YLPM1: variants seen among roughly 807,000 people sequenced by gnomAD.
YLPM1 encodes the protein YLP motif containing 1, also known as YLP motif-containing protein 1.
YLPM1 carries 99 observed loss-of-function variants against 230.0 expected under a neutral mutation model. The ratio of observed to expected loss-of-function variants is 0.43; its 90% CI spans 0.37 to 0.51. The LOEUF (loss-of-function observed/expected upper bound fraction) is 0.51. Among genes scored for constraint, YLPM1 ranks in the 20% least tolerant of loss-of-function variants. The probability of loss-of-function intolerance (pLI) is 0.00; values close to 1 mark genes in which losing one functional copy is unlikely to be tolerated. For synonymous variants in YLPM1, 984 were observed against 942.5 expected (o/e 1.04, Z -0.81); for missense variants, 2,592 against 2,707.7 (o/e 0.96, Z 0.95).
At chr14:74,764,472 A>G in intron 1 of YLPM1, 110 bp downstream of exon 1, 1 of 1,343,736 alleles carries the variant, frequency 7.4e-7, no homozygotes, top group South Asian at 1.6e-5. Context: ...ATGACTAGCT[A>G]ACACTCCAAA....
At chr14:74,812,071 T>G (rs969028321) in intron 10 of YLPM1, among the ~76,000 whole-genome samples, 2 of 152,250 alleles carry the variant, frequency 1.3e-5, no homozygotes, top group African/African-American at 4.8e-5. Flanking sequence ...GTGATTGTTC[T>G]GATTGATATT....
chr14:74,798,747 T>A lies in YLPM1; in HGVS notation c.3450T>A (p.Pro1150=), dbSNP rs1175454572. ...GGGAGAGAGGACCACCTCGAGGGCC[T>A]GGCAGTCGAGAAAGGGGACTGGGAA... ...GSRERGPPRG[P]GSRERGLGRS... is the part of the protein sequence containing the mutation. The change falls in exon 5 of 21, where the codon CCT becomes CCA. Residue 1150 remains proline, a synonymous_variant. Coordinates refer to ENST00000325680, the MANE Select transcript of YLPM1 (RefSeq NM_019589.3). 6.2e-7 allele frequency: 1 copy of A among 1,613,212 alleles called. No individual in the cohort carries two copies. Among genetic ancestry groups the A allele is most frequent in the East Asian group, 2.2e-5 (1 of 44,864 alleles).
chr14:74,769,573 C>T (rs920341415), intron 1 of YLPM1, among the ~76,000 whole-genome samples: 1 of 150,098 alleles, frequency 6.7e-6, no homozygotes, highest in Non-Finnish European at 1.5e-5. Flanking sequence ...AGGTGTGAGT[C>T]AGAGTGCCCG....
rs144885085 is a variant in YLPM1 at position 74,836,682 on chromosome 14, G to C, written c.*944G>C. The stretch of plus-strand genomic sequence containing the variant: ...TGTGGATTTTTAAATGAAGATTGCA[G>C]GGAAAGAGTATAAAGATGCAGAGCA... On this transcript the variant is annotated 3_prime_UTR_variant, in exon 21 of 21. Coordinates refer to ENST00000325680, the MANE Select transcript of YLPM1 (RefSeq NM_019589.3). The C allele has an allele frequency of 6.6e-6, 1 of 152,588 alleles. No individual in the cohort carries two copies. Among genetic ancestry groups the C allele is most frequent in the African/African-American group, 2.4e-5 (1 of 41,440 alleles). The allele number at this position is 152,588 out of a possible 1,614,324, so 9.5% of individuals were successfully genotyped here. A position where few individuals can be genotyped will look rare whatever the true frequency, so the allele number is the denominator to read the frequency against.
At chr14:74,776,986 G>A (rs1390972243) in intron 1 of YLPM1, among the ~76,000 whole-genome samples, 6 of 152,046 alleles carry the variant, frequency 3.9e-5, no homozygotes, top group Admixed American at 3.9e-4. Context: ...AGCACAGGAG[G>A]CGGAGGTGGC....
At position 74,836,579 on chromosome 14, in the gene YLPM1, A is replaced by C. The variant is rs533515220; in HGVS notation, c.*841A>C. The C allele has an allele frequency of 1.3e-5, 2 of 151,448 alleles. No individual in the cohort carries two copies. Among genetic ancestry groups the C allele is most frequent in the Non-Finnish European group, 3.0e-5 (2 of 67,778 alleles). 9.4% of individuals were successfully genotyped at this position (151,448 alleles called of 1,614,324 possible). On this transcript the variant is annotated 3_prime_UTR_variant, in exon 21 of 21. Coordinates refer to ENST00000325680, the MANE Select transcript of YLPM1 (RefSeq NM_019589.3). ...GCTGTTAGGTTTTTATTTTTTCCTG[A>C]TCTGGCTTTGAATTCTGGTAGACAG...
intron 19 of YLPM1, among the ~76,000 whole-genome samples, chr14:74,831,474 T>C (rs144400505): frequency 1.4e-3 from 220 of 152,354 alleles, no homozygotes; most frequent in South Asian, 3.5e-3. Flanking sequence ...AGTGTAGTTC[T>C]GGTAACAATT....
chr14:74,827,482 G>A (rs1209917154), intron 18 of YLPM1: 7 of 985,370 alleles, frequency 7.1e-6, no homozygotes, highest in Non-Finnish European at 8.4e-6. Context: ...GCTCAGACTA[G>A]AAATACATGC....
intron 6 of YLPM1, among the ~76,000 whole-genome samples, chr14:74,806,521 G>C (rs575262754): frequency 6.6e-6 from 1 of 152,226 alleles, no homozygotes; most frequent in African/African-American, 2.4e-5. Flanking sequence ...GAACCTGAGA[G>C]GTAGAGGTTG....
At chr14:74,766,883 C>CTTT (rs1158275487) in intron 1 of YLPM1, among the ~76,000 whole-genome samples, 5 of 131,194 alleles carry the variant, frequency 3.8e-5, no homozygotes, top group Non-Finnish European at 6.7e-5. Flanking sequence ...AAGACCTTTT[C>CTTT]TTTTTTTTTT....
intron 19 of YLPM1, among the ~76,000 whole-genome samples, chr14:74,831,024 T>C (rs973879): frequency 0.48 from 72,829 of 152,028 alleles, 17,826 homozygotes; most frequent in Non-Finnish European, 0.54. Context: ...ATGTCTCTCT[T>C]TACACGCTTA....
rs188488865 is a variant in YLPM1 at position 74,777,293 on chromosome 14, C to T, written c.874-1154C>T. On this transcript the variant is annotated intron_variant, in intron 1 of 20. Transcript: ENST00000325680. ...TAAAACACAGTATATTGGCCAGGTG[C>T]GGTGGCTCACACCTGTAATCCCAGC... 1.3e-4 allele frequency among the ~76,000 whole-genome samples: 19 copies of T among 151,698 alleles called. 1 individual carries two copies. The highest frequency in any genetic ancestry group is 1.2e-4 in the Non-Finnish European group (8 of 67,932).
rs770659693 is a variant in YLPM1, at chr14:74,782,122, T to C, written c.2079T>C (p.Gly693=). 1.2e-6 allele frequency: 2 copies of C among 1,613,868 alleles called. No individual in the cohort carries two copies. Among genetic ancestry groups the C allele is most frequent in the Non-Finnish European group, 8.5e-7 (1 of 1,179,860 alleles). ...TTYHPPLQSA[G]PSEQVNSKAP... The stretch of plus-strand genomic sequence containing the variant: ...ACCATCCTCCGTTGCAATCAGCTGG[T>C]CCATCAGAACAAGTGAATTCAAAAG... The change falls in exon 4 of 21, where the codon GGT becomes GGC. Residue 693 remains glycine (G), a synonymous_variant. Coordinates refer to ENST00000325680, the MANE Select transcript of YLPM1 (RefSeq NM_019589.3).
In YLPM1 at chr14:74,803,429, A is replaced by G. The variant is rs143146782; in HGVS notation, c.4521+753A>G. On this transcript the variant is annotated intron_variant, in intron 6 of 20. Transcript: ENST00000325680. ...AAGAAAACAGCTCTACTGAACCTCT[A>G]CTGAACCATTTCATCAAATTAACAC... 1.6e-3 allele frequency among the ~76,000 whole-genome samples: 249 copies of G among 152,296 alleles called. 2 individuals carry two copies. The highest frequency in any genetic ancestry group is 5.7e-3 in the African/African-American group (235 of 41,578).
chr14:74,772,097 T>C (rs185017108), intron 1 of YLPM1, among the ~76,000 whole-genome samples: 1 of 152,242 alleles, frequency 6.6e-6, no homozygotes, highest in Non-Finnish European at 1.5e-5. Flanking sequence ...CTTTAAAACA[T>C]TACACACAAA....
intron 19 of YLPM1, among the ~76,000 whole-genome samples, chr14:74,833,773 G>A (rs2091624648): frequency 6.6e-6 from 1 of 152,096 alleles, no homozygotes; most frequent in Admixed American, 6.5e-5. Flanking sequence ...CTTTGACCAG[G>A]TGATACTGTT....
In YLPM1 at chr14:74,799,814, TTTTAA is replaced by T. The variant is rs1021890690; in HGVS notation, c.4400+122_4400+126del. The T allele has an allele frequency of 9.9e-5, 138 of 1,391,778 alleles. No homozygotes were observed. In the African/African-American group the frequency reaches 1.8e-3, roughly 18 times the overall value. 86.2% of individuals were successfully genotyped at this position (1,391,778 alleles called of 1,614,324 possible). On this transcript the variant is annotated intron_variant, in intron 5 of 20. Coordinates refer to ENST00000325680, the MANE Select transcript of YLPM1 (RefSeq NM_019589.3). ...TTTACTTCAAGTTCTTATCACATAC[TTTTAA>T]TTTATATTTCTGGTCATTCAGTGCT...
intron 5 of YLPM1, among the ~76,000 whole-genome samples, 162 bp downstream of exon 5, chr14:74,799,859 A>G (rs1472080047): frequency 6.6e-6 from 1 of 152,314 alleles, no homozygotes; most frequent in East Asian, 1.9e-4. Flanking sequence ...TAGGGTTAGA[A>G]TGGGTATTTA....
rs1345711698 is a variant in YLPM1 at position 74,810,354 on chromosome 14, G to A, written c.5162G>A (p.Arg1721Gln). ...CGTGAGACACATAGAGATCGAGACC[G>A]GGATCGTGGTGTTATTGACTATGAC... ...RDRETHRDRD[R>Q]DRGVIDYDRD... The change falls in exon 9 of 21, where the codon CGG (arginine) becomes CAG (glutamine). Residue 1721 changes from arginine to glutamine, a missense_variant. Physicochemically the swap from Arg to Gln is conservative, Grantham distance 43. Around this residue, in one of 4 missense-constraint regions of YLPM1, gnomAD observed 403 missense variants for 426.7 expected, o/e 0.94. Coordinates refer to ENST00000325680, the MANE Select transcript of YLPM1 (RefSeq NM_019589.3). The A allele has an allele frequency of 6.8e-6, 11 of 1,613,450 alleles. No homozygotes were observed. Among genetic ancestry groups the A allele is most frequent in the African/African-American group, 1.3e-5 (1 of 74,742 alleles).
Sources: gnomAD v4.1 joint callset for allele counts (sites outside exome capture counted in the v4.1 genomes callset) on GRCh38, gnomAD v4.1.1 for gene constraint, gnomAD v4.1.1 regional missense constraint, MANE v1.5 for transcripts, NCBI Gene and HGNC (gene_info 2026-07-23, HGNC 2026-07-21) for gene names.